The following RASA2 variants were observed in gnomAD, a reference collection of about 807,000 sequenced individuals.
RASA2 encodes ras GTPase-activating protein 2.
A neutral mutation model predicts 118.2 loss-of-function variants in RASA2; 155 were observed. That is an observed-to-expected ratio of 1.31 (90% CI 1.15 to 1.50). RASA2 has a LOEUF of 1.50. Ranked by LOEUF, RASA2 falls within the 40% of genes most tolerant of loss-of-function variation. The pLI, the probability that RASA2 is intolerant of heterozygous loss-of-function variation, is 0.00. For missense variants in RASA2, 1,016 were observed against 1,009.6 expected, an observed-to-expected ratio of 1.01 and a Z score of -0.09; for synonymous variants, 353 against 349.1, an observed-to-expected ratio of 1.01 and a Z score of -0.12.
At chr3:141,541,563 G>T (rs554589353) in intron 5 of RASA2, among the ~76,000 whole-genome samples, 2 of 152,112 alleles carry the variant, frequency 1.3e-5, no homozygotes, top group South Asian at 2.1e-4. Flanking sequence ...AATTCAGGAA[G>T]TTTAACATTG....
At chr3:141,583,333 G>A (rs916404499) in intron 17 of RASA2, among the ~76,000 whole-genome samples, 10 of 152,142 alleles carry the variant, frequency 6.6e-5, no homozygotes, top group Admixed American at 6.5e-4. Context: ...GCTGAGGCGA[G>A]AGAATCGCTT....
At chr3:141,535,271 A>C (rs2082311662) in intron 4 of RASA2, among the ~76,000 whole-genome samples, 2 of 152,190 alleles carry the variant, frequency 1.3e-5, no homozygotes, top group South Asian at 4.1e-4. Context: ...TAGAAAACCA[A>C]AAAATTTTTG....
rs1292313850 is a variant in RASA2 at position 141,536,755 on chromosome 3, TAGATTCTTTTTTTTTTTTTTTTTTGA to T, written c.451-3777_451-3752del. 8.6e-5 allele frequency among the ~76,000 whole-genome samples: 13 copies of T among 151,420 alleles called. No individual in the cohort carries two copies. The East Asian group carries it at 2.5e-3, about 29-fold the overall frequency. On this transcript the variant is annotated intron_variant, in intron 4 of 23. Transcript: ENST00000286364. ...TTTATTATCAAACATAGTACCTTGT[TAGATTCTTTTTTTTTTTTTTTTTTGA>T]GATGGAGTTCTGCTGGAGTGCAATG... is the stretch of plus-strand genomic sequence containing the variant.
chr3:141,610,001 G>A lies in RASA2; in HGVS notation c.2454G>A (p.Glu818=), dbSNP rs1456200293. The part of the protein sequence containing the change: ...KTIQQIKSII[E]KLDEPHEKYR... ...TTCAGCAAATAAAAAGCATAATTGA[G>A]AAGCTGGATGAACCTCATGAAAAAT... The change falls in exon 23 of 24, where the codon GAG becomes GAA. Residue 818 remains glutamate (E), a synonymous_variant. Coordinates refer to ENST00000286364, the MANE Select transcript of RASA2 (RefSeq NM_006506.5). 6.2e-7 allele frequency: 1 copy of A among 1,605,600 alleles called. No individual in the cohort carries two copies.
intron 12 of RASA2, 59 bp downstream of exon 12, chr3:141,572,782 C>G: frequency 4.7e-6 from 6 of 1,272,132 alleles, no homozygotes; most frequent in South Asian, 2.8e-5. Flanking sequence ...GTTCTTTTAT[C>G]AAGTGATCTA....
intron 3 of RASA2, among the ~76,000 whole-genome samples, chr3:141,524,218 T>C (rs1226724893): frequency 1.3e-5 from 2 of 152,204 alleles, no homozygotes; most frequent in Non-Finnish European, 2.9e-5. Context: ...TTCATATGTC[T>C]GATGGTTGGT....
chr3:141,517,517 C>T lies in RASA2; in HGVS notation c.355+1086C>T, dbSNP rs189871118. The stretch of plus-strand genomic sequence containing the variant: ...ACCAGATCTCATGAGAACTCACTGT[C>T]ATGAGAGCAGCAAGGGGATGTCTGC... On this transcript the variant is annotated intron_variant, in intron 3 of 23. Transcript: ENST00000286364. Among the ~76,000 whole-genome samples the T allele has an allele frequency of 5.1e-3, 782 of 152,286 alleles. 2 individuals carry two copies. Among genetic ancestry groups the T allele is most frequent in the Admixed American group, 8.8e-3 (134 of 15,302 alleles).
chr3:141,533,090 C>G (rs530651315), intron 4 of RASA2, among the ~76,000 whole-genome samples: 27 of 152,274 alleles, frequency 1.8e-4, no homozygotes, highest in African/African-American at 6.3e-4. Flanking sequence ...ACTCCAGTCT[C>G]TTTTTGAGAC....
At chr3:141,517,121 A>G (rs1224390663) in intron 3 of RASA2, among the ~76,000 whole-genome samples, 1 of 152,150 alleles carries the variant, frequency 6.6e-6, no homozygotes, top group Non-Finnish European at 1.5e-5. Flanking sequence ...GTGTTGGGTA[A>G]GTATTTGTTT....
intron 14 of RASA2, 95 bp from the exon 15 acceptor site, chr3:141,576,905 C>G (rs530960290): frequency 5.0e-5 from 35 of 706,092 alleles, no homozygotes; most frequent in East Asian, 9.0e-5. Flanking sequence ...TTATGTTGCT[C>G]TCCTAGTTTA....
chr3:141,499,724 G>C (rs189092832), intron 1 of RASA2, among the ~76,000 whole-genome samples: 1 of 152,130 alleles, frequency 6.6e-6, no homozygotes, highest in African/African-American at 2.4e-5. Flanking sequence ...TCAGCCTCCC[G>C]ATTAGCTGGG....
intron 13 of RASA2, among the ~76,000 whole-genome samples, chr3:141,573,588 T>C (rs1020465791): frequency 3.9e-5 from 6 of 152,192 alleles, no homozygotes; most frequent in African/African-American, 1.4e-4. Flanking sequence ...ACAATGATTG[T>C]GTTAGGGTCA....
At chr3:141,495,062 T>G (rs1478280858) in intron 1 of RASA2, among the ~76,000 whole-genome samples, 2 of 152,218 alleles carry the variant, frequency 1.3e-5, no homozygotes, top group Non-Finnish European at 2.9e-5. Flanking sequence ...GACAATAGAT[T>G]GGGAGAAAAT....
chr3:141,565,841 C>G (rs2082811997), intron 9 of RASA2, among the ~76,000 whole-genome samples: 2 of 152,118 alleles, frequency 1.3e-5, no homozygotes, highest in African/African-American at 4.8e-5. Flanking sequence ...TTTCATTGAC[C>G]ATATCTTTAC....
intron 3 of RASA2, among the ~76,000 whole-genome samples, chr3:141,522,190 G>A (rs2082120897): frequency 6.6e-6 from 1 of 151,972 alleles, no homozygotes; most frequent in Non-Finnish European, 1.5e-5. Context: ...AAGGAGTCAT[G>A]CACCAACACA....
chr3:141,491,999 A>T (rs1482091664), intron 1 of RASA2, among the ~76,000 whole-genome samples: 1 of 152,172 alleles, frequency 6.6e-6, no homozygotes, highest in Non-Finnish European at 1.5e-5. Flanking sequence ...AGATATTTGA[A>T]ATGAGATGAT....
intron 6 of RASA2, among the ~76,000 whole-genome samples, 200 bp downstream of exon 6, chr3:141,554,140 C>A (rs2082614097): frequency 1.3e-5 from 2 of 152,004 alleles, no homozygotes; most frequent in Admixed American, 6.6e-5. Flanking sequence ...AAATTGGTAC[C>A]CCATTTTAAA....
intron 5 of RASA2, among the ~76,000 whole-genome samples, chr3:141,551,205 GGTTAA>G (rs1284234531): frequency 1.1e-4 from 17 of 152,094 alleles, no homozygotes; most frequent in Non-Finnish European, 2.4e-4. Context: ...TTCGGCACTT[GGTTAA>G]GTTACTTAGA....
chr3:141,546,752 A>C (rs1303257850), intron 5 of RASA2, among the ~76,000 whole-genome samples: 1 of 152,156 alleles, frequency 6.6e-6, no homozygotes, highest in Non-Finnish European at 1.5e-5. Flanking sequence ...TGTGGCAACC[A>C]TTATGCAAGA....
Sources: gnomAD v4.1 joint callset for allele counts (sites outside exome capture counted in the v4.1 genomes callset) on GRCh38, gnomAD v4.1.1 for gene constraint, MANE v1.5 for transcripts, NCBI Gene and HGNC (gene_info 2026-07-23, HGNC 2026-07-21) for gene names.